Variants in SLC4A1AP observed in about 807,000 individuals in gnomAD.
The protein encoded by SLC4A1AP is solute carrier family 4 member 1 adaptor protein, also known as kanadaptin.
SLC4A1AP carries 64 observed loss-of-function variants against 89.7 expected under a neutral mutation model. The observed-to-expected ratio is 0.71, with a 90% CI of 0.58 to 0.88. SLC4A1AP has a LOEUF of 0.88. SLC4A1AP is among the 40% of genes least tolerant of loss of function. The probability of loss-of-function intolerance (pLI) is 0.00; values close to 1 mark genes in which losing one functional copy is unlikely to be tolerated. For synonymous variants in SLC4A1AP, 366 were observed against 353.3 expected (o/e 1.04, Z -0.40); for missense variants, 931 against 965.0 (o/e 0.96, Z 0.47).
chr2:27,669,039 A>T, intron 4 of SLC4A1AP, 136 bp downstream of exon 4: 1 of 1,044,852 alleles, frequency 9.6e-7, no homozygotes, highest in Non-Finnish European at 1.4e-6. Context: ...TTTATCGTTT[A>T]GTAACCCTTA....
intron 8 of SLC4A1AP, among the ~76,000 whole-genome samples, chr2:27,679,526 A>G (rs979283015): frequency 1.3e-5 from 2 of 152,124 alleles, no homozygotes; most frequent in Admixed American, 6.6e-5. Flanking sequence ...GGCGTGAACC[A>G]GGAAGGTGGA....
chr2:27,664,992 G>C, intron 1 of SLC4A1AP, 108 bp from the exon 2 acceptor site: 2 of 790,958 alleles, frequency 2.5e-6, no homozygotes, highest in Non-Finnish European at 4.0e-6. Flanking sequence ...AGGAGGTCAA[G>C]GCTGCAGTGA....
intron 3 of SLC4A1AP, 156 bp from the exon 4 acceptor site, chr2:27,668,687 C>T (rs1464829641): frequency 2.7e-6 from 2 of 734,664 alleles, no homozygotes; most frequent in South Asian, 2.9e-5. Context: ...TTAACTCAAG[C>T]TGTCATCCCG....
chr2:27,665,176 T>C (rs1247349147), exon 2 of SLC4A1AP: 34 of 1,613,112 alleles, frequency 2.1e-5, no homozygotes, highest in Non-Finnish European at 2.9e-5. Flanking sequence ...CAGCAGCAAA[T>C]ATTGTTGGAG....
At chr2:27,669,679 A>G (rs1210475589) in intron 5 of SLC4A1AP, among the ~76,000 whole-genome samples, 2 of 152,102 alleles carry the variant, frequency 1.3e-5, no homozygotes, top group African/African-American at 4.8e-5. Flanking sequence ...ATAAGAATGT[A>G]TCATGGATGT....
At chr2:27,673,193 C>T (rs560368207) in intron 5 of SLC4A1AP, among the ~76,000 whole-genome samples, 2 of 152,252 alleles carry the variant, frequency 1.3e-5, no homozygotes, top group South Asian at 4.1e-4. Flanking sequence ...CACTTTGGCT[C>T]TCAGCTTTCC....
intron 2 of SLC4A1AP, 72 bp from the exon 3 acceptor site, chr2:27,667,196 G>C: frequency 6.7e-7 from 1 of 1,496,318 alleles, no homozygotes; most frequent in Non-Finnish European, 9.1e-7. Context: ...CAGCCTGAGA[G>C]AATAGTGGGT....
At chr2:27,666,338 T>C (rs1675318792) in intron 2 of SLC4A1AP, among the ~76,000 whole-genome samples, 1 of 103,356 alleles carries the variant, frequency 9.7e-6, no homozygotes. Context: ...CTTGAACTCC[T>C]GACCTTGTGA....
intron 5 of SLC4A1AP, among the ~76,000 whole-genome samples, chr2:27,673,501 C>G (rs550548956): frequency 3.4e-4 from 48 of 140,606 alleles, no homozygotes; most frequent in Admixed American, 1.2e-3. Context: ...TTCCTCTATG[C>G]TGCCCAGATT....
exon 1 of SLC4A1AP, chr2:27,664,036 C>T (rs746619801): frequency 3.1e-6 from 5 of 1,614,224 alleles, no homozygotes; most frequent in Non-Finnish European, 3.4e-6. Context: ...AGCAGTTCTT[C>T]AAACCCTGAG....
intron 8 of SLC4A1AP, among the ~76,000 whole-genome samples, chr2:27,678,682 A>G (rs1675563162): frequency 6.6e-6 from 1 of 151,938 alleles, no homozygotes; most frequent in African/African-American, 2.4e-5. Context: ...GCTCAACTTC[A>G]TGATCATAAG....
chr2:27,685,705 A>G (rs1285041778), intron 10 of SLC4A1AP, among the ~76,000 whole-genome samples: 2 of 152,204 alleles, frequency 1.3e-5, no homozygotes, highest in South Asian at 2.1e-4. Flanking sequence ...TCATTGGACT[A>G]AAGTTCTCAA....
intron 9 of SLC4A1AP, among the ~76,000 whole-genome samples, chr2:27,684,189 G>C (rs1044561918): frequency 1.3e-5 from 2 of 152,134 alleles, no homozygotes; most frequent in African/African-American, 4.8e-5. Context: ...CACTTTGGGA[G>C]GCCGAGGTGG....
chr2:27,667,008 C>A, intron 2 of SLC4A1AP, among the ~76,000 whole-genome samples: 1 of 151,750 alleles, frequency 6.6e-6, no homozygotes, highest in Non-Finnish European at 1.5e-5. Context: ...GCTGGGATTA[C>A]AGACACCCGC....
intron 7 of SLC4A1AP, 82 bp downstream of exon 7, chr2:27,677,446 A>G (rs1417563126): frequency 5.4e-6 from 5 of 922,620 alleles, no homozygotes; most frequent in Non-Finnish European, 8.6e-6. Context: ...GTTAATAAGA[A>G]ATACCATACA....
intron 5 of SLC4A1AP, among the ~76,000 whole-genome samples, chr2:27,674,130 G>A (rs550587721): frequency 4.7e-4 from 71 of 152,068 alleles, no homozygotes; most frequent in African/African-American, 1.7e-3. Flanking sequence ...GAACTTAACA[G>A]TCTCTCACTT....
chr2:27,678,473 C>T (rs191518241), intron 8 of SLC4A1AP, among the ~76,000 whole-genome samples: 97 of 151,942 alleles, frequency 6.4e-4, no homozygotes, highest in African/African-American at 2.2e-3. Flanking sequence ...TTCCAGGCTA[C>T]AGTGAGCTGT....
At chr2:27,688,300 C>A (rs1047679515) in intron 11 of SLC4A1AP, among the ~76,000 whole-genome samples, 4 of 152,176 alleles carry the variant, frequency 2.6e-5, no homozygotes, top group Non-Finnish European at 4.4e-5. Flanking sequence ...CAAAGCTCTC[C>A]ACAATTTTAC....
At chr2:27,682,765 A>C (rs990445216) in intron 9 of SLC4A1AP, among the ~76,000 whole-genome samples, 1 of 152,122 alleles carries the variant, frequency 6.6e-6, no homozygotes, top group Non-Finnish European at 1.5e-5. Context: ...CTCGTGATCC[A>C]CCTGCCTTGG....
Sources: gnomAD v4.1 joint callset for allele counts (sites outside exome capture counted in the v4.1 genomes callset) on GRCh38, gnomAD v4.1.1 for gene constraint, MANE v1.5 for transcripts, NCBI Gene and HGNC (gene_info 2026-07-23, HGNC 2026-07-21) for gene names.